The following CPLANE1 variants were observed in gnomAD, a reference collection of about 807,000 sequenced individuals.
The protein encoded by CPLANE1 is ciliogenesis and planar polarity effector complex subunit 1.
A neutral mutation model predicts 362.5 loss-of-function variants in CPLANE1; 263 were observed. That is an observed-to-expected ratio of 0.73 (90% CI 0.66 to 0.80). CPLANE1 has a LOEUF of 0.80. Among genes scored for constraint, CPLANE1 ranks in the 30% least tolerant of loss-of-function variants. The pLI is 0.00. For missense variants in CPLANE1, 3,461 were observed against 3,793.4 expected (o/e 0.91, Z 2.30); for synonymous variants, 1,212 against 1,302.6 (o/e 0.93, Z 1.50).
rs184064773 is a variant in CPLANE1 at position 37,113,247 on chromosome 5, G to T, written c.9400+1713C>A. The stretch of plus-strand genomic sequence containing the variant: ...AGGTGGGAGGTAATTGAATCATGGG[G>T]GCAGTTACCTTCATGCTGCTGGTCT... On this transcript the variant is annotated intron_variant, in intron 51 of 52. Transcript: ENST00000651892. 3.3e-4 allele frequency among the ~76,000 whole-genome samples: 51 copies of T among 152,262 alleles called. 1 individual carries two copies. Among genetic ancestry groups the T allele is most frequent in the African/African-American group, 1.0e-3 (43 of 41,546 alleles).
At chr5:37,122,884 A>AAAAT (rs1356437941) in intron 47 of CPLANE1, among the ~76,000 whole-genome samples, 4 of 152,206 alleles carry the variant, frequency 2.6e-5, no homozygotes, top group Admixed American at 6.5e-5. Flanking sequence ...CCGTTTCAAA[A>AAAAT]AAATAAATAA....
chr5:37,086,915 C>T, the CPLANE1 span, among the ~76,000 whole-genome samples: 50 of 152,262 alleles, frequency 3.3e-4, no homozygotes, highest in African/African-American at 1.1e-3. Context: ...GGAAGCATGA[C>T]GGACCCCTTG....
At chr5:37,215,815 A>G (rs1479374090) in intron 15 of CPLANE1, among the ~76,000 whole-genome samples, 1 of 137,282 alleles carries the variant, frequency 7.3e-6, no homozygotes, top group Non-Finnish European at 1.5e-5. Flanking sequence ...AAGCACTGAT[A>G]TAAGATTTTT....
the CPLANE1 span, among the ~76,000 whole-genome samples, chr5:37,100,393 A>G: frequency 1.4e-4 from 22 of 152,200 alleles, no homozygotes; most frequent in South Asian, 4.4e-3. Context: ...TGCTTTTGTC[A>G]GGTTTGTCGA....
intron 19 of CPLANE1, among the ~76,000 whole-genome samples, chr5:37,200,754 T>G (rs1303343455): frequency 6.6e-6 from 1 of 152,022 alleles, no homozygotes; most frequent in Non-Finnish European, 1.5e-5. Context: ...ATAGTATTTA[T>G]AATATAGAAC....
the CPLANE1 span, among the ~76,000 whole-genome samples, chr5:37,100,986 C>T: frequency 1.3e-5 from 2 of 152,164 alleles, no homozygotes; most frequent in African/African-American, 4.8e-5. Context: ...GCTCAAGTTG[C>T]TTATCAGCTT....
intron 15 of CPLANE1, among the ~76,000 whole-genome samples, chr5:37,219,870 G>A (rs1794979610): frequency 1.3e-5 from 2 of 152,044 alleles, no homozygotes; most frequent in Non-Finnish European, 2.9e-5. Flanking sequence ...AAGTGATTTT[G>A]TTTCCTTTCT....
At chr5:37,157,915 C>T (rs1400465520) in intron 39 of CPLANE1, 47 bp from the exon 40 acceptor site, 3 of 311,068 alleles carry the variant, frequency 9.6e-6, no homozygotes, top group Non-Finnish European at 1.7e-5. Flanking sequence ...TCTTTTTACT[C>T]TATGTGGTCA....
chr5:37,200,863 A>T (rs1012010859), intron 19 of CPLANE1, among the ~76,000 whole-genome samples: 1 of 152,130 alleles, frequency 6.6e-6, no homozygotes, highest in African/African-American at 2.4e-5. Flanking sequence ...TTGCTCTGTC[A>T]CCCAGGCTGG....
rs1353205951 is a variant in CPLANE1, at chr5:37,157,683, A to G, written c.7998T>C (p.Asn2666=). ...ASVTNAVPPH[N]FKSQEVTPAC... ...GGAAAAAATTACCTTGACTCTTAAA[A>G]TTATGTGGGGGAACAGCATTAGTAA... Residue 2666 remains asparagine (N), a synonymous_variant, in exon 40 of 53, where the codon AAT becomes AAC. Transcript: ENST00000651892. 6.2e-7 allele frequency: 1 copy of G among 1,613,042 alleles called. No homozygotes were observed. The highest frequency in any genetic ancestry group is 8.5e-7 in the Non-Finnish European group (1 of 1,179,652).
At position 37,244,595 on chromosome 5, in the gene CPLANE1, C is replaced by G. The variant is rs1324311439; in HGVS notation, c.350G>C (p.Arg117Thr). The change falls in exon 5 of 53, where the codon AGA becomes ACA. Residue 117 changes from arginine to threonine, a missense_variant. Coordinates refer to ENST00000651892, the MANE Select transcript of CPLANE1 (RefSeq NM_001384732.1). ...ATTTCCAGATACATACAAGTACAGT[C>G]TCAAAGAGCTTGCTAAAAAAGTAAC... ...MIKATVASSLRLYLYVSGNGK... is the reference protein window; with the variant it reads ...MIKATVASSLTLYLYVSGNGK... The G allele has an allele frequency of 6.5e-7, 1 of 1,530,980 alleles. No homozygotes were observed. 94.8% of individuals were successfully genotyped at this position (1,530,980 alleles called of 1,614,324 possible). A position where few individuals can be genotyped will look rare whatever the true frequency, so the allele number is the denominator to read the frequency against.
chr5:37,177,840 G>A, intron 29 of CPLANE1, 140 bp from the exon 30 acceptor site: 2 of 667,180 alleles, frequency 3.0e-6, no homozygotes, highest in Admixed American at 5.2e-5. Context: ...ACAGTAAAAT[G>A]TACTCCCAGT....
intron 39 of CPLANE1, 53 bp from the exon 40 acceptor site, chr5:37,157,921 G>C: frequency 2.3e-6 from 1 of 432,072 alleles, no homozygotes; most frequent in Non-Finnish European, 3.7e-6. Context: ...TACTCTATGT[G>C]GTCACTCCGC....
At chr5:37,151,172 T>C (rs1773456678) in intron 42 of CPLANE1, among the ~76,000 whole-genome samples, 1 of 152,220 alleles carries the variant, frequency 6.6e-6, no homozygotes. Context: ...CACTAACTTC[T>C]ACCTCTAAGT....
intron 15 of CPLANE1, among the ~76,000 whole-genome samples, chr5:37,215,100 AGTGCAATG>A (rs1320151856): frequency 2.0e-5 from 3 of 151,858 alleles, no homozygotes; most frequent in African/African-American, 7.3e-5. Context: ...CCCAGGCTGG[AGTGCAATG>A]GTGCGATCTC....
At chr5:37,113,022 T>C (rs775649094) in intron 51 of CPLANE1, among the ~76,000 whole-genome samples, 17 of 152,224 alleles carry the variant, frequency 1.1e-4, no homozygotes, top group South Asian at 4.1e-4. Flanking sequence ...TAGACATTGC[T>C]AGATATTTGC....
intron 39 of CPLANE1, 64 bp from the exon 40 acceptor site, chr5:37,157,932 CAAAAAAAAAAAAAA>C (rs1157107088): frequency 1.2e-4 from 8 of 67,844 alleles, no homozygotes; most frequent in Admixed American, 9.3e-4. Flanking sequence ...GTCACTCCGC[CAAAAAAAAAAAAAA>C]AAAAAAAAAA....
the CPLANE1 span, among the ~76,000 whole-genome samples, chr5:37,077,319 A>C: frequency 6.6e-6 from 1 of 152,188 alleles, no homozygotes; most frequent in East Asian, 1.9e-4. Context: ...TTTTGTGCTT[A>C]TCAGCTCTGA....
the CPLANE1 span, among the ~76,000 whole-genome samples, chr5:37,079,362 T>C: frequency 6.6e-6 from 1 of 152,206 alleles, no homozygotes; most frequent in African/African-American, 2.4e-5. Context: ...CAGATGGTTG[T>C]AGGTGTGCTA....
Sources: gnomAD v4.1 joint callset for allele counts (sites outside exome capture counted in the v4.1 genomes callset) on GRCh38, gnomAD v4.1.1 for gene constraint, MANE v1.5 for transcripts, NCBI Gene and HGNC (gene_info 2026-07-23, HGNC 2026-07-21) for gene names.